KAZN: variants seen among roughly 807,000 people sequenced by gnomAD.
KAZN encodes the protein kazrin, periplakin interacting protein.
KAZN carries 40 observed loss-of-function variants against 87.4 expected under a neutral mutation model. The observed-to-expected ratio is 0.46, with a 90% CI of 0.36 to 0.60. The LOEUF (loss-of-function observed/expected upper bound fraction) is 0.60, where lower values mean the gene tolerates loss of function less well. KAZN is among the 20% of genes least tolerant of loss of function. KAZN has a pLI of 0.00. For synonymous variants in KAZN, 466 were observed against 458.3 expected, an observed-to-expected ratio of 1.02 and a Z score of -0.22; for missense variants, 898 against 1,073.9, an observed-to-expected ratio of 0.84 and a Z score of 2.29.
intron 1 of KAZN, among the ~76,000 whole-genome samples, chr1:14,607,350 C>T (rs1475526060): frequency 1.3e-5 from 2 of 152,120 alleles, no homozygotes; most frequent in Admixed American, 6.5e-5. Flanking sequence ...CCAGGGTCAC[C>T]GAGCTAGCAA....
chr1:15,003,331 G>T (rs1277279641), intron 2 of KAZN, among the ~76,000 whole-genome samples: 1 of 152,144 alleles, frequency 6.6e-6, no homozygotes, highest in Non-Finnish European at 1.5e-5. Context: ...CAGCGGCTCT[G>T]GTAACTTGTG....
chr1:14,580,497 A>C (rs1032779817), intron 2 of KAZN, among the ~76,000 whole-genome samples: 45 of 151,686 alleles, frequency 3.0e-4, no homozygotes, highest in African/African-American at 1.1e-3. Flanking sequence ...TAAATAAATA[A>C]ATAAATAAAT....
At chr1:14,092,884 A>G (rs1644039249) in intron 1 of KAZN, among the ~76,000 whole-genome samples, 1 of 152,216 alleles carries the variant, frequency 6.6e-6, no homozygotes, top group African/African-American at 2.4e-5. Flanking sequence ...GATGCAATTT[A>G]TGAAATAATC....
At chr1:14,033,213 T>A (rs1641402435) in intron 1 of KAZN, among the ~76,000 whole-genome samples, 1 of 152,162 alleles carries the variant, frequency 6.6e-6, no homozygotes, top group African/African-American at 2.4e-5. Context: ...ATGAGGAAGT[T>A]TGACAGCCAG....
intron 1 of KAZN, among the ~76,000 whole-genome samples, chr1:14,663,361 GGGCCACACA>G (rs1407594729): frequency 1.3e-5 from 2 of 152,082 alleles, no homozygotes; most frequent in Non-Finnish European, 2.9e-5. Flanking sequence ...TGGTTCGCCG[GGGCCACACA>G]GGCAAGAGAG....
At chr1:14,847,662 C>T (rs1157543077) in intron 1 of KAZN, among the ~76,000 whole-genome samples, 1 of 152,196 alleles carries the variant, frequency 6.6e-6, no homozygotes, top group Non-Finnish European at 1.5e-5. Context: ...CTGTTCCATT[C>T]AGTGCAGCAT....
intron 1 of KAZN, among the ~76,000 whole-genome samples, chr1:14,842,870 C>T (rs2100938797): frequency 6.6e-6 from 1 of 152,308 alleles, no homozygotes; most frequent in African/African-American, 2.4e-5. Flanking sequence ...TCAATTCCAG[C>T]TCCCTGGAGT....
chr1:14,360,476 T>G (rs897069886), intron 2 of KAZN, among the ~76,000 whole-genome samples: 3 of 152,212 alleles, frequency 2.0e-5, no homozygotes, highest in Non-Finnish European at 4.4e-5. Flanking sequence ...TCCGGTTTTG[T>G]TCCATTGGTG....
At chr1:14,314,638 C>CT (rs964467791) in intron 2 of KAZN, among the ~76,000 whole-genome samples, 10 of 152,018 alleles carry the variant, frequency 6.6e-5, no homozygotes, top group South Asian at 4.2e-4. Context: ...TTCTTTCATT[C>CT]TTTTTTTTGT....
At position 14,589,119 on chromosome 1, in the gene KAZN, C is replaced by T. The variant is rs150277843; in HGVS notation, c.250-9864C>T. ...GTTTCTTTCTCAAAAGGAAAGACATCGGCAGCTGGCTGTTCCTGGGTGAAG... is the reference window on the plus strand; with the variant it reads ...GTTTCTTTCTCAAAAGGAAAGACATTGGCAGCTGGCTGTTCCTGGGTGAAG... On this transcript the variant is annotated intron_variant, in intron 2 of 16. Coordinates refer to the KAZN transcript ENST00000636203. Among the ~76,000 whole-genome samples the T allele has an allele frequency of 2.5e-3, 380 of 152,246 alleles. 1 individual carries two copies. Among genetic ancestry groups the T allele is most frequent in the Non-Finnish European group, 4.1e-3 (282 of 68,018 alleles).
intron 1 of KAZN, among the ~76,000 whole-genome samples, chr1:14,143,613 T>C (rs149033312): frequency 2.3e-3 from 350 of 152,342 alleles, no homozygotes; most frequent in Non-Finnish European, 3.9e-3. Context: ...GTATACATTT[T>C]ACTAACAATT....
chr1:14,271,350 C>T (rs147190982), intron 2 of KAZN, among the ~76,000 whole-genome samples: 370 of 152,336 alleles, frequency 2.4e-3, no homozygotes, highest in African/African-American at 8.6e-3. Flanking sequence ...CAGCGCATAT[C>T]AGTCGCTTAT....
chr1:14,995,629 A>T (rs1208126011), intron 2 of KAZN, among the ~76,000 whole-genome samples: 31 of 96,094 alleles, frequency 3.2e-4, no homozygotes, highest in Non-Finnish European at 4.4e-4. Context: ...ACCTCAAATA[A>T]AAAAAAAAAA....
intron 2 of KAZN, among the ~76,000 whole-genome samples, chr1:14,371,263 T>C (rs369995959): frequency 6.9e-4 from 105 of 152,308 alleles, no homozygotes; most frequent in African/African-American, 2.4e-3. Flanking sequence ...TTGAGAGCTA[T>C]TGCTTTTCAT....
At chr1:14,787,164 C>T (rs1275458557) in intron 1 of KAZN, among the ~76,000 whole-genome samples, 1 of 152,136 alleles carries the variant, frequency 6.6e-6, no homozygotes, top group Non-Finnish European at 1.5e-5. Context: ...ACCTATGTGA[C>T]CTTGGATGTA....
chr1:15,005,774 C>T (rs1022350392), intron 2 of KAZN, among the ~76,000 whole-genome samples: 2 of 148,326 alleles, frequency 1.3e-5, no homozygotes, highest in Admixed American at 6.8e-5. Context: ...CATGGCAGAG[C>T]GATACAACTC....
At position 15,011,464 on chromosome 1, in the gene KAZN, T is replaced by G. The variant is rs189702670; in HGVS notation, c.419-23285T>G. On this transcript the variant is annotated intron_variant, in intron 2 of 14. Coordinates refer to ENST00000376030, the MANE Select transcript of KAZN (RefSeq NM_201628.3). ...GCACTTCTGCCCATTTCTCAGAAAT[T>G]TGGGAGAGGCCCTCTTCCCAGAGGA... 2.8e-4 allele frequency among the ~76,000 whole-genome samples: 43 copies of G among 152,248 alleles called. 1 individual carries two copies. The East Asian group carries it at 7.9e-3, about 28-fold the overall frequency.
At chr1:15,065,566 C>A in intron 7 of KAZN, 64 bp from the exon 8 acceptor site, 2 of 1,426,722 alleles carry the variant, frequency 1.4e-6, no homozygotes, top group South Asian at 2.6e-5. Context: ...GCAGTCTGCA[C>A]CCCAGCTAAG....
chr1:14,761,844 A>C (rs958470547), intron 1 of KAZN, among the ~76,000 whole-genome samples: 2 of 151,610 alleles, frequency 1.3e-5, no homozygotes, highest in African/African-American at 4.9e-5. Flanking sequence ...TTACCCAGTT[A>C]ATTAAAGAGG....
Sources: allele counts gnomAD v4.1 joint callset (sites outside exome capture counted in the v4.1 genomes callset), GRCh38; gene constraint gnomAD v4.1.1; transcripts MANE v1.5; gene names NCBI Gene and HGNC (gene_info 2026-07-23, HGNC 2026-07-21).